Variants in RASA1 observed in about 807,000 individuals in gnomAD.
RASA1 encodes ras GTPase-activating protein 1.
In RASA1, 25 loss-of-function variants were observed where a neutral mutation model predicts 132.2. The observed-to-expected ratio is 0.19, with a 90% confidence interval of 0.14 to 0.26. RASA1 has a LOEUF of 0.26. Ranked by LOEUF, RASA1 falls within the 10% of genes least tolerant of loss-of-function variation. The pLI, the probability that RASA1 is intolerant of heterozygous loss-of-function variation, is 1.00. For missense variants in RASA1, 964 were observed against 1,299.2 expected (o/e 0.74, Z 3.97); for synonymous variants, 477 against 449.9 (o/e 1.06, Z -0.76).
At chr5:87,314,609 A>G (rs925040797) in intron 1 of RASA1, among the ~76,000 whole-genome samples, 9 of 152,222 alleles carry the variant, frequency 5.9e-5, no homozygotes, top group African/African-American at 2.2e-4. Flanking sequence ...TTGGTCTTAA[A>G]AAAACCAGCA....
intron 1 of RASA1, among the ~76,000 whole-genome samples, chr5:87,282,531 G>A (rs763801872): frequency 6.6e-6 from 1 of 152,056 alleles, no homozygotes; most frequent in Non-Finnish European, 1.5e-5. Context: ...GATATGTCAG[G>A]GTTTCTGTGG....
At chr5:87,348,410 T>A (rs16902631) in intron 7 of RASA1, among the ~76,000 whole-genome samples, 7,075 of 152,066 alleles carry the variant, frequency 0.047, 332 homozygotes, top group African/African-American at 0.12. Context: ...AGAGCATCTA[T>A]GTATTATGAG....
intron 1 of RASA1, among the ~76,000 whole-genome samples, chr5:87,269,546 G>T (rs901420178): frequency 8.5e-5 from 13 of 152,180 alleles, no homozygotes; most frequent in African/African-American, 3.1e-4. Flanking sequence ...GGGTCAGAGA[G>T]AAAGGAAAGG....
At chr5:87,332,962 T>C (rs984714402) in intron 3 of RASA1, among the ~76,000 whole-genome samples, 2 of 152,148 alleles carry the variant, frequency 1.3e-5, no homozygotes, top group Non-Finnish European at 2.9e-5. Context: ...GATTCTGAAA[T>C]GCCTTGTGTA....
chr5:87,382,481 G>A (rs1002079051), intron 20 of RASA1, among the ~76,000 whole-genome samples: 10 of 152,252 alleles, frequency 6.6e-5, no homozygotes, highest in Non-Finnish European at 1.5e-4. Context: ...ATCTGTAGAA[G>A]GAATTGCATA....
chr5:87,272,609 C>T (rs537562532), intron 1 of RASA1, among the ~76,000 whole-genome samples: 14 of 151,396 alleles, frequency 9.2e-5, no homozygotes, highest in Non-Finnish European at 1.8e-4. Flanking sequence ...AGTAAGTGTT[C>T]GATAAATACG....
chr5:87,370,415 T>A (rs1391587941), intron 12 of RASA1, among the ~76,000 whole-genome samples: 1 of 152,202 alleles, frequency 6.6e-6, no homozygotes, highest in African/African-American at 2.4e-5. Flanking sequence ...TAGCGTCTAT[T>A]AAGTAATTGT....
intron 17 of RASA1, among the ~76,000 whole-genome samples, chr5:87,377,767 A>C (rs1409176280): frequency 6.6e-6 from 1 of 152,098 alleles, no homozygotes; most frequent in Non-Finnish European, 1.5e-5. Context: ...GCCCACACAC[A>C]CCACCAAGCA....
At position 87,349,132 on chromosome 5, in the gene RASA1, A is replaced by G. The variant is rs140719523; in HGVS notation, c.1103-82A>G. On this transcript the variant is annotated intron_variant, in intron 7 of 24. Coordinates refer to ENST00000274376, the MANE Select transcript of RASA1 (RefSeq NM_002890.3). ...AATTTACATATGTTTATGACTTTGA[A>G]TGCACTTTGTAATAATACTACTTAA... The G allele has an allele frequency of 1.6e-3, 2,340 of 1,486,054 alleles. 64 individuals are homozygous for G. In the East Asian group the frequency reaches 0.045, roughly 29 times the overall value. 92.1% of individuals were successfully genotyped at this position (1,486,054 alleles called of 1,614,324 possible).
intron 1 of RASA1, among the ~76,000 whole-genome samples, chr5:87,305,760 A>G (rs1396313028): frequency 6.6e-6 from 1 of 152,266 alleles, no homozygotes; most frequent in Non-Finnish European, 1.5e-5. Context: ...AATATCCAGC[A>G]TCTAGAAGAA....
At chr5:87,337,586 C>T (rs1442718440) in intron 4 of RASA1, among the ~76,000 whole-genome samples, 1 of 152,068 alleles carries the variant, frequency 6.6e-6, no homozygotes, top group Non-Finnish European at 1.5e-5. Flanking sequence ...ATCTACCCTA[C>T]ATCTGAAAGA....
chr5:87,290,882 G>A (rs552887048), intron 1 of RASA1, among the ~76,000 whole-genome samples: 23 of 152,274 alleles, frequency 1.5e-4, no homozygotes, highest in Non-Finnish European at 2.1e-4. Context: ...GTGGTTTGTG[G>A]ATTTTGGCAA....
intron 8 of RASA1, 87 bp from the exon 9 acceptor site, chr5:87,353,070 A>G (rs1580334467): frequency 9.6e-7 from 1 of 1,045,182 alleles, no homozygotes; most frequent in East Asian, 2.5e-5. Flanking sequence ...CTAATTAGAT[A>G]ATCCTTGGCA....
intron 6 of RASA1, among the ~76,000 whole-genome samples, chr5:87,344,664 T>C (rs1580315747): frequency 6.6e-6 from 1 of 150,524 alleles, no homozygotes; most frequent in South Asian, 2.1e-4. Context: ...CCACCACACC[T>C]GGCAAATGTT....
At chr5:87,307,762 T>G (rs1014993978) in intron 1 of RASA1, among the ~76,000 whole-genome samples, 7 of 152,212 alleles carry the variant, frequency 4.6e-5, no homozygotes, top group African/African-American at 1.7e-4. Flanking sequence ...AACTTTTGTT[T>G]TTTTCCTGAA....
In RASA1 at chr5:87,374,531, G is replaced by A. The variant is rs185068636; in HGVS notation, c.1934+211G>A. ...GCTATGCCCTTGGTTTTTCCACTTA[G>A]TTATTAACATGAATTAGCAAGTCAA... On this transcript the variant is annotated intron_variant, in intron 14 of 24. Transcript: ENST00000274376. Among the ~76,000 whole-genome samples the A allele has an allele frequency of 1.5e-3, 204 of 139,894 alleles. No individual in the cohort carries two copies. The Middle Eastern group carries it at 0.016, about 11-fold the overall frequency. 91.8% of individuals were successfully genotyped at this position (139,894 alleles called of 152,430 possible). A position where few individuals can be genotyped will look rare whatever the true frequency, so the allele number is the denominator to read the frequency against.
intron 1 of RASA1, among the ~76,000 whole-genome samples, chr5:87,295,869 T>C (rs775416983): frequency 1.3e-5 from 2 of 151,652 alleles, no homozygotes; most frequent in Non-Finnish European, 2.9e-5. Flanking sequence ...CAGGCTGGAA[T>C]GCAGTGTTAC....
chr5:87,283,148 G>GTTTTTTTTTTTTTT (rs200461511), intron 1 of RASA1, among the ~76,000 whole-genome samples: 8 of 103,238 alleles, frequency 7.7e-5, no homozygotes, highest in Non-Finnish European at 1.4e-4. Context: ...TTTTTTTTGT[G>GTTTTTTTTTTTTTT]TTTTTTTTTT....
intron 1 of RASA1, among the ~76,000 whole-genome samples, chr5:87,271,453 T>C (rs1192641554): frequency 2.8e-5 from 2 of 71,450 alleles, no homozygotes; most frequent in Non-Finnish European, 5.5e-5. Context: ...AGTAGACTTC[T>C]TTTTTTTTTT....
Sources: gnomAD v4.1 joint callset for allele counts (sites outside exome capture counted in the v4.1 genomes callset) on GRCh38, gnomAD v4.1.1 for gene constraint, MANE v1.5 for transcripts, NCBI Gene and HGNC (gene_info 2026-07-23, HGNC 2026-07-21) for gene names.